TAFA2: variants seen among roughly 807,000 people sequenced by gnomAD.
TAFA2 encodes the protein TAFA chemokine like family member 2, also known as chemokine-like protein TAFA-2.
TAFA2 carries 7 observed loss-of-function variants against 18.8 expected under a neutral mutation model. The observed-to-expected ratio is 0.37, with a 90% CI of 0.21 to 0.70. TAFA2 has a LOEUF of 0.70. TAFA2 is among the 30% of genes least tolerant of loss of function. TAFA2 has a pLI of 0.53. For missense variants in TAFA2, 122 were observed against 158.1 expected (o/e 0.77, Z 1.23); for synonymous variants, 60 against 54.2 (o/e 1.11, Z -0.47).
chr12:61,843,249 G>A (rs184073211), intron 2 of TAFA2, among the ~76,000 whole-genome samples: 254 of 152,120 alleles, frequency 1.7e-3, no homozygotes, highest in Non-Finnish European at 9.9e-4. Flanking sequence ...GCCAGATAAA[G>A]AAATTATTTC....
intron 1 of TAFA2, among the ~76,000 whole-genome samples, chr12:61,912,950 A>G (rs949557995): frequency 2.6e-5 from 4 of 152,160 alleles, no homozygotes; most frequent in African/African-American, 9.7e-5. Context: ...AATGTATAGA[A>G]TCCACACTGG....
chr12:61,820,907 G>A (rs528830378), intron 2 of TAFA2, among the ~76,000 whole-genome samples: 22 of 152,018 alleles, frequency 1.4e-4, no homozygotes, highest in Non-Finnish European at 2.7e-4. Context: ...TCTTTGTTTT[G>A]AAAATATTTG....
intron 1 of TAFA2, among the ~76,000 whole-genome samples, chr12:62,246,232 C>T (rs1221797392): frequency 6.6e-6 from 1 of 152,128 alleles, no homozygotes; most frequent in Non-Finnish European, 1.5e-5. Flanking sequence ...GTGATCTGCC[C>T]GCCTGGGCCT....
At chr12:61,726,117 G>A (rs1870155298) in intron 4 of TAFA2, among the ~76,000 whole-genome samples, 1 of 150,790 alleles carries the variant, frequency 6.6e-6, no homozygotes, top group South Asian at 2.1e-4. Context: ...CTAAAATATA[G>A]AAATGTTTTC....
Position 61,811,008 on chromosome 12 carries a change from CTAGAG to C in TAFA2, c.107-55989_107-55985del, listed in dbSNP as rs559305848. ...ATGATTTTTTTTTTCTTTACAGAAG[CTAGAG>C]TAATCTTAATTAATACATGTAGACA... On this transcript the variant is annotated intron_variant, in intron 2 of 4. Transcript: ENST00000416284. 7.0e-4 allele frequency among the ~76,000 whole-genome samples: 106 copies of C among 150,646 alleles called. 8 individuals carry two copies. Among genetic ancestry groups the C allele is most frequent in the African/African-American group, 2.4e-3 (96 of 40,326 alleles).
intron 1 of TAFA2, among the ~76,000 whole-genome samples, chr12:61,892,852 G>A: frequency 6.6e-6 from 1 of 152,074 alleles, no homozygotes; most frequent in East Asian, 1.9e-4. Flanking sequence ...AAATAATAAA[G>A]TATGTCCTAA....
At chr12:62,094,240 C>A (rs1003795063) in intron 1 of TAFA2, among the ~76,000 whole-genome samples, 2 of 151,892 alleles carry the variant, frequency 1.3e-5, no homozygotes, top group African/African-American at 4.8e-5. Flanking sequence ...GAATGGAAAA[C>A]CAAATATTGT....
chr12:61,964,988 C>A (rs779564945), intron 1 of TAFA2, among the ~76,000 whole-genome samples: 3 of 151,900 alleles, frequency 2.0e-5, no homozygotes, highest in Non-Finnish European at 4.4e-5. Flanking sequence ...CCAGGTTACA[C>A]ACATGATGTA....
rs79958960 is a variant in TAFA2, at chr12:61,869,791, T to C, written c.-1-2365A>G. 5.8e-3 allele frequency among the ~76,000 whole-genome samples: 884 copies of C among 152,306 alleles called. 6 individuals are homozygous for C. Among genetic ancestry groups the C allele is most frequent in the African/African-American group, 0.02 (836 of 41,566 alleles). On this transcript the variant is annotated intron_variant, in intron 1 of 4. Coordinates refer to ENST00000416284, the MANE Select transcript of TAFA2 (RefSeq NM_178539.5). ...CCTCTCTCAGCACTCCTACTATTTG[T>C]TTTAAGAATCTTCTCTTTTTTTCTA...
chr12:61,957,927 T>G (rs1300490306), intron 1 of TAFA2, among the ~76,000 whole-genome samples: 3 of 152,012 alleles, frequency 2.0e-5, no homozygotes, highest in Non-Finnish European at 4.4e-5. Context: ...AGAAAGAGCT[T>G]AGGACATTGA....
At chr12:61,909,831 G>C (rs1876524040) in intron 1 of TAFA2, among the ~76,000 whole-genome samples, 1 of 152,026 alleles carries the variant, frequency 6.6e-6, no homozygotes, top group Non-Finnish European at 1.5e-5. Flanking sequence ...ATCAAAGTTT[G>C]GAATATTCCC....
At chr12:62,030,124 G>A (rs1881418076) in intron 1 of TAFA2, among the ~76,000 whole-genome samples, 2 of 152,106 alleles carry the variant, frequency 1.3e-5, no homozygotes, top group African/African-American at 4.8e-5. Flanking sequence ...CTGCTGAGGA[G>A]GAAAAGCTCA....
chr12:62,123,611 C>T (rs1870310004), intron 1 of TAFA2, among the ~76,000 whole-genome samples: 1 of 151,838 alleles, frequency 6.6e-6, no homozygotes. Flanking sequence ...GTAATATATC[C>T]CCCACATTTG....
At chr12:62,069,617 C>G (rs1300802203) in intron 1 of TAFA2, among the ~76,000 whole-genome samples, 1 of 152,042 alleles carries the variant, frequency 6.6e-6, no homozygotes, top group East Asian at 1.9e-4. Flanking sequence ...TCAAAAGAAC[C>G]AGAAAACATA....
At chr12:61,781,837 C>G (rs1407634200) in intron 2 of TAFA2, among the ~76,000 whole-genome samples, 1 of 151,606 alleles carries the variant, frequency 6.6e-6, no homozygotes, top group Non-Finnish European at 1.5e-5. Flanking sequence ...ACAGCAATTA[C>G]AATTAAGAAT....
intron 1 of TAFA2, chr12:62,023,537 C>G (rs897791818): frequency 6.6e-6 from 1 of 151,244 alleles, no homozygotes; most frequent in African/African-American, 2.5e-5. Flanking sequence ...GCACAAACTA[C>G]AAGGTTCACA....
chr12:62,111,187 T>C (rs985747036), intron 1 of TAFA2, among the ~76,000 whole-genome samples: 7 of 152,224 alleles, frequency 4.6e-5, no homozygotes, highest in African/African-American at 1.7e-4. Flanking sequence ...GTACATTGTG[T>C]CTTTGTTCTC....
At chr12:62,085,684 T>C (rs780290590) in intron 1 of TAFA2, among the ~76,000 whole-genome samples, 2 of 152,118 alleles carry the variant, frequency 1.3e-5, no homozygotes, top group Non-Finnish European at 2.9e-5. Context: ...AATTATAGAA[T>C]TCAAAAAGTA....
intron 1 of TAFA2, among the ~76,000 whole-genome samples, chr12:62,145,016 T>C (rs1469658915): frequency 1.3e-5 from 2 of 152,244 alleles, no homozygotes; most frequent in East Asian, 1.9e-4. Context: ...TAAGTGGATG[T>C]TCCCTTCAAC....
Sources: gnomAD v4.1 joint callset for allele counts (sites outside exome capture counted in the v4.1 genomes callset) on GRCh38, gnomAD v4.1.1 for gene constraint, MANE v1.5 for transcripts, NCBI Gene and HGNC (gene_info 2026-07-23, HGNC 2026-07-21) for gene names.